PID1: variants seen among roughly 807,000 people sequenced by gnomAD.
The protein encoded by PID1 is PTB-containing, cubilin and LRP1-interacting protein.
A neutral mutation model predicts 19.1 loss-of-function variants in PID1; 10 were observed. The observed-to-expected ratio is 0.52, with a 90% CI of 0.32 to 0.89. The LOEUF is 0.89. Among genes scored for constraint, PID1 ranks in the 40% least tolerant of loss-of-function variants. PID1 has a pLI of 0.03. For synonymous variants in PID1, 130 were observed against 116.0 expected, an observed-to-expected ratio of 1.12 and a Z score of -0.78; for missense variants, 248 against 285.3, an observed-to-expected ratio of 0.87 and a Z score of 0.94.
intron 2 of PID1, among the ~76,000 whole-genome samples, chr2:229,106,674 G>C (rs1695185431): frequency 6.6e-6 from 1 of 152,284 alleles, no homozygotes; most frequent in African/African-American, 2.4e-5. Flanking sequence ...CATTAAATCT[G>C]CTGGTACCTT....
At chr2:229,134,251 T>TTTC (rs1689811806) in intron 2 of PID1, among the ~76,000 whole-genome samples, 1 of 92,248 alleles carries the variant, frequency 1.1e-5, no homozygotes, top group Non-Finnish European at 2.3e-5. Flanking sequence ...TTTTTTTTTT[T>TTTC]TGAGACAGAG....
intron 1 of PID1, among the ~76,000 whole-genome samples, chr2:229,194,675 T>C (rs1189152924): frequency 6.6e-6 from 1 of 151,944 alleles, no homozygotes; most frequent in African/African-American, 2.4e-5. Flanking sequence ...TTTCATAATG[T>C]ATATGAAATA....
intron 1 of PID1, among the ~76,000 whole-genome samples, chr2:229,205,104 C>A (rs1225313766): frequency 6.6e-6 from 1 of 152,086 alleles, no homozygotes; most frequent in Non-Finnish European, 1.5e-5. Flanking sequence ...AGAAAGTCAA[C>A]ATCATCCTTC....
At chr2:229,267,099 C>T (rs1429211289) in intron 1 of PID1, among the ~76,000 whole-genome samples, 1 of 152,210 alleles carries the variant, frequency 6.6e-6, no homozygotes, top group Non-Finnish European at 1.5e-5. Flanking sequence ...GTGAGATAAT[C>T]CTCAGAGGAG....
At chr2:229,095,769 A>C (rs1694960961) in intron 2 of PID1, among the ~76,000 whole-genome samples, 1 of 152,194 alleles carries the variant, frequency 6.6e-6, no homozygotes, top group Non-Finnish European at 1.5e-5. Flanking sequence ...GTACAGACTG[A>C]AAAATGTTTC....
chr2:229,198,269 A>G (rs1192021434), intron 1 of PID1, among the ~76,000 whole-genome samples: 1 of 152,104 alleles, frequency 6.6e-6, no homozygotes, highest in African/African-American at 2.4e-5. Flanking sequence ...TAACATAAAT[A>G]CCTTTCAAAC....
At chr2:229,071,834 A>T (rs913383933) in intron 2 of PID1, among the ~76,000 whole-genome samples, 1 of 152,196 alleles carries the variant, frequency 6.6e-6, no homozygotes, top group Admixed American at 6.5e-5. Context: ...AGAAACAATG[A>T]CTCATTCTAT....
rs181257627 is a variant in PID1 at position 229,077,769 on chromosome 2, G to A, written c.178-51661C>T. On this transcript the variant is annotated intron_variant, in intron 2 of 2. Coordinates refer to ENST00000392055, the MANE Select transcript of PID1 (RefSeq NM_001100818.2). ...ATACCCGTTTTGGTACCAGTACCAT[G>A]CCATTTTGGTTACTGCAGCCTTGTA... Among the ~76,000 whole-genome samples, 32 of 152,298 alleles carry A rather than the reference G, an allele frequency of 2.1e-4. No homozygotes were observed. The East Asian group carries it at 6.2e-3, about 29-fold the overall frequency.
intron 1 of PID1, among the ~76,000 whole-genome samples, chr2:229,220,830 C>T (rs1214529330): frequency 1.3e-5 from 2 of 151,902 alleles, no homozygotes; most frequent in Non-Finnish European, 1.5e-5. Flanking sequence ...AGCTATTTAG[C>T]TTAAAACTGA....
intron 1 of PID1, among the ~76,000 whole-genome samples, chr2:229,235,808 C>G (rs535436844): frequency 6.6e-6 from 1 of 152,092 alleles, no homozygotes; most frequent in Non-Finnish European, 1.5e-5. Context: ...AGAAGAAACG[C>G]CAGCCAAACA....
intron 2 of PID1, among the ~76,000 whole-genome samples, chr2:229,148,708 A>C (rs1208799701): frequency 6.6e-6 from 1 of 151,892 alleles, no homozygotes; most frequent in East Asian, 1.9e-4. Flanking sequence ...CGAAGGAGGA[A>C]AAAAGGGGAG....
chr2:229,188,753 AAAGAG>A lies in PID1; in HGVS notation c.31-32794_31-32790del, dbSNP rs1363647988. Among the ~76,000 whole-genome samples the A allele has an allele frequency of 3.2e-4, 49 of 151,832 alleles. No individual in the cohort carries two copies. The East Asian group carries it at 7.7e-3, about 24-fold the overall frequency. On this transcript the variant is annotated intron_variant, in intron 1 of 2. Coordinates refer to ENST00000392055, the MANE Select transcript of PID1 (RefSeq NM_001100818.2). The stretch of plus-strand genomic sequence containing the variant: ...AAACTCCACCTCAAAAAAAAAAAAA[AAAGAG>A]AGAGAGAGAAGGAAGGTAACACCAC...
At chr2:229,060,276 T>C (rs77478615) in intron 2 of PID1, among the ~76,000 whole-genome samples, 3,531 of 152,202 alleles carry the variant, frequency 0.023, 148 homozygotes, top group African/African-American at 0.082. Flanking sequence ...CCCCATTCCC[T>C]ATCTCCCTTC....
intron 1 of PID1, among the ~76,000 whole-genome samples, chr2:229,203,111 C>T (rs1438043446): frequency 6.6e-6 from 1 of 152,096 alleles, no homozygotes; most frequent in Non-Finnish European, 1.5e-5. Context: ...AGGAGAAAGA[C>T]ATCTCCACTT....
chr2:229,087,977 C>A (rs905727769), intron 2 of PID1, among the ~76,000 whole-genome samples: 1 of 152,026 alleles, frequency 6.6e-6, no homozygotes, highest in Non-Finnish European at 1.5e-5. Flanking sequence ...CATGCACCCC[C>A]CACACACAAA....
intron 1 of PID1, among the ~76,000 whole-genome samples, chr2:229,216,249 A>G (rs1365676789): frequency 2.0e-5 from 3 of 152,208 alleles, no homozygotes; most frequent in Non-Finnish European, 4.4e-5. Flanking sequence ...GGTCCCCCTC[A>G]ACATGCCCGG....
intron 2 of PID1, among the ~76,000 whole-genome samples, chr2:229,044,251 G>T (rs1215888062): frequency 1.3e-5 from 2 of 151,984 alleles, no homozygotes; most frequent in Admixed American, 1.3e-4. Flanking sequence ...GACGCATGAG[G>T]ATGCTGAGAT....
chr2:229,070,438 G>C (rs868609924), intron 2 of PID1, among the ~76,000 whole-genome samples: 11 of 152,186 alleles, frequency 7.2e-5, no homozygotes, highest in Non-Finnish European at 8.8e-5. Context: ...ATTCATAGAG[G>C]AAGTAAGAAT....
intron 1 of PID1, among the ~76,000 whole-genome samples, chr2:229,223,811 C>T (rs1012467326): frequency 6.6e-6 from 1 of 152,102 alleles, no homozygotes; most frequent in East Asian, 1.9e-4. Context: ...TCAGGGGATA[C>T]CTATTCAGGT....
Sources: allele counts gnomAD v4.1 joint callset (sites outside exome capture counted in the v4.1 genomes callset), GRCh38; gene constraint gnomAD v4.1.1; transcripts MANE v1.5; gene names NCBI Gene and HGNC (gene_info 2026-07-23, HGNC 2026-07-21).